The following MLANA variants were observed in gnomAD, a reference collection of about 807,000 sequenced individuals.
MLANA encodes melan-A, also known as melanoma antigen recognized by T-cells 1.
MLANA carries 21 observed loss-of-function variants against 15.7 expected under a neutral mutation model. That is an observed-to-expected ratio of 1.33 (90% CI 0.95 to 1.92). The LOEUF (loss-of-function observed/expected upper bound fraction) is 1.92. MLANA is among the 40% of genes most tolerant of loss of function. The probability of loss-of-function intolerance (pLI) is 0.00; values close to 1 mark genes in which losing one functional copy is unlikely to be tolerated. For synonymous variants in MLANA, 56 were observed against 51.5 expected (o/e 1.09, Z -0.37); for missense variants, 164 against 143.8 (o/e 1.14, Z -0.72).
At chr9:5,904,364 C>T (rs1049964789) in intron 3 of MLANA, among the ~76,000 whole-genome samples, 1 of 151,286 alleles carries the variant, frequency 6.6e-6, no homozygotes, top group Non-Finnish European at 1.5e-5. Context: ...TACCTGTTGC[C>T]TCTGTTCTTT....
intron 4 of MLANA, among the ~76,000 whole-genome samples, chr9:5,908,006 T>C (rs1312837797): frequency 2.0e-5 from 3 of 152,150 alleles, no homozygotes; most frequent in Non-Finnish European, 2.9e-5. Flanking sequence ...CATATTTCTA[T>C]TGGACAGCAC....
At chr9:5,896,993 G>T (rs1020931735) in intron 2 of MLANA, among the ~76,000 whole-genome samples, 2 of 152,176 alleles carry the variant, frequency 1.3e-5, no homozygotes, top group Non-Finnish European at 2.9e-5. Flanking sequence ...CCTCTGTTTT[G>T]TGCTAGCTCT....
intron 3 of MLANA, among the ~76,000 whole-genome samples, chr9:5,902,785 G>A (rs1832528356): frequency 6.6e-6 from 1 of 151,958 alleles, no homozygotes; most frequent in Non-Finnish European, 1.5e-5. Flanking sequence ...GGCATTATAG[G>A]CATGAGCCAT....
At chr9:5,899,314 G>C (rs906341236) in intron 3 of MLANA, 5 of 152,202 alleles carry the variant, frequency 3.3e-5, no homozygotes, top group Non-Finnish European at 7.3e-5. Flanking sequence ...AGCTGATAAG[G>C]AGAAGGTGAG....
chr9:5,892,624 T>A, intron 2 of MLANA, 73 bp downstream of exon 2: 1 of 1,215,128 alleles, frequency 8.2e-7, no homozygotes, highest in Non-Finnish European at 1.2e-6. Flanking sequence ...CTTCCACCAG[T>A]ACATGCCTGC....
intron 3 of MLANA, among the ~76,000 whole-genome samples, chr9:5,902,281 T>C (rs574310337): frequency 6.6e-6 from 1 of 152,316 alleles, no homozygotes; most frequent in African/African-American, 2.4e-5. Context: ...GTTTTCAAAT[T>C]TGTGAGCATA....
At position 5,892,504 on chromosome 9, in the gene MLANA, T is replaced by C. The variant is rs1163896900; in HGVS notation, c.30T>C (p.Tyr10=). Residue 10 remains tyrosine (Y), a synonymous_variant, in exon 2 of 5, where the codon TAT becomes TAC. Coordinates refer to ENST00000381477, the MANE Select transcript of MLANA (RefSeq NM_005511.2). ...CAAGAGAAGATGCTCACTTCATCTA[T>C]GGTTACCCCAAGAAGGGGCACGGCC... MPREDAHFI[Y]GYPKKGHGHS... 1.2e-6 allele frequency: 2 copies of C among 1,613,912 alleles called. No individual in the cohort carries two copies. Among genetic ancestry groups the C allele is most frequent in the Non-Finnish European group, 1.7e-6 (2 of 1,179,920 alleles).
At chr9:5,893,596 A>G (rs944848987) in intron 2 of MLANA, among the ~76,000 whole-genome samples, 4 of 152,152 alleles carry the variant, frequency 2.6e-5, no homozygotes, top group Non-Finnish European at 4.4e-5. Context: ...CAGCAAAAAC[A>G]TACTCTTTGA....
intron 3 of MLANA, among the ~76,000 whole-genome samples, chr9:5,905,377 C>T (rs184437690): frequency 2.7e-4 from 41 of 152,270 alleles, no homozygotes; most frequent in Non-Finnish European, 4.4e-5. Context: ...GTTTTAGGTA[C>T]AACTGACCAG....
intron 3 of MLANA, among the ~76,000 whole-genome samples, chr9:5,902,938 C>A (rs149786837): frequency 3.7e-4 from 56 of 152,270 alleles, no homozygotes; most frequent in African/African-American, 1.3e-3. Context: ...CTTTCTTCTT[C>A]TCTAATATAC....
chr9:5,899,876 T>C (rs1832301932), intron 3 of MLANA, among the ~76,000 whole-genome samples: 2 of 152,202 alleles, frequency 1.3e-5, no homozygotes, highest in African/African-American at 4.8e-5. Context: ...TGCCATTGAG[T>C]TGCTTGGAGA....
At chr9:5,892,607 C>T in intron 2 of MLANA, 56 bp downstream of exon 2, 1 of 1,459,874 alleles carries the variant, frequency 6.8e-7, no homozygotes, top group South Asian at 1.2e-5. Context: ...CTGACACAGC[C>T]TGCTGACTTC....
chr9:5,902,374 T>C (rs186818685), intron 3 of MLANA, among the ~76,000 whole-genome samples: 1 of 152,338 alleles, frequency 6.6e-6, no homozygotes, highest in East Asian at 1.9e-4. Context: ...TTTCTTAGCC[T>C]AGCTAAAGGC....
At chr9:5,895,565 C>A (rs929580691) in intron 2 of MLANA, among the ~76,000 whole-genome samples, 8 of 152,116 alleles carry the variant, frequency 5.3e-5, no homozygotes, top group Non-Finnish European at 1.5e-5. Context: ...GACTACATAC[C>A]TGCTTTGGGT....
At chr9:5,902,495 C>CA (rs1832501902) in intron 3 of MLANA, among the ~76,000 whole-genome samples, 1 of 150,228 alleles carries the variant, frequency 6.7e-6, no homozygotes. Context: ...GACAGGGTCT[C>CA]ATTCTGTCAT....
chr9:5,893,625 C>G (rs577889029), intron 2 of MLANA, among the ~76,000 whole-genome samples: 1 of 152,264 alleles, frequency 6.6e-6, no homozygotes, highest in South Asian at 2.1e-4. Flanking sequence ...AGCCCATTGC[C>G]CGTGCTATTA....
chr9:5,903,714 T>C (rs1365199661), intron 3 of MLANA, among the ~76,000 whole-genome samples: 1 of 152,216 alleles, frequency 6.6e-6, no homozygotes. Context: ...TGTTCTTATG[T>C]CTTCTTGGAG....
chr9:5,904,351 T>G (rs1832656768), intron 3 of MLANA, among the ~76,000 whole-genome samples: 1 of 152,230 alleles, frequency 6.6e-6, no homozygotes, highest in African/African-American at 2.4e-5. Context: ...TGTTACTGTT[T>G]TCTACCTGTT....
intron 3 of MLANA, 111 bp from the exon 4 acceptor site, chr9:5,906,774 T>C (rs1832842754): frequency 6.3e-6 from 4 of 637,384 alleles, no homozygotes; most frequent in Non-Finnish European, 1.1e-5. Context: ...AGCAAGTAAG[T>C]GGCAGAACCT....
Sources: gnomAD v4.1 joint callset for allele counts (sites outside exome capture counted in the v4.1 genomes callset) on GRCh38, gnomAD v4.1.1 for gene constraint, MANE v1.5 for transcripts, NCBI Gene and HGNC (gene_info 2026-07-23, HGNC 2026-07-21) for gene names.